WDR72: variants seen among roughly 807,000 people sequenced by gnomAD.
The protein encoded by WDR72 is WD repeat domain 72.
A neutral mutation model predicts 124.2 loss-of-function variants in WDR72; 120 were observed. The observed-to-expected ratio is 0.97, with a 90% CI of 0.83 to 1.12. WDR72 has a LOEUF of 1.12. Ranked by LOEUF, WDR72 falls within the 50% of genes most tolerant of loss-of-function variation. WDR72 has a pLI of 0.00. For missense variants in WDR72, 1,387 were observed against 1,278.8 expected (o/e 1.08, Z -1.29); for synonymous variants, 452 against 441.7 (o/e 1.02, Z -0.29).
intron 13 of WDR72, among the ~76,000 whole-genome samples, chr15:53,667,082 T>A (rs2015804472): frequency 6.6e-6 from 1 of 152,328 alleles, no homozygotes; most frequent in East Asian, 1.9e-4. Context: ...CTGGGTGTGA[T>A]GGCTCATGCC....
rs990177110 is a variant in WDR72, at chr15:53,687,125, G to T, written c.1765+12625C>A. On this transcript the variant is annotated intron_variant, in intron 13 of 19. Transcript: ENST00000360509. ...GAGAAAGCAGGAAAGATCCAAAATT[G>T]ACACCCTAACATCACAATTAAAAGA... Among the ~76,000 whole-genome samples the T allele has an allele frequency of 2.1e-4, 32 of 149,074 alleles. 2 individuals carry two copies. Among genetic ancestry groups the T allele is most frequent in the Admixed American group, 1.7e-3 (25 of 15,016 alleles).
intron 18 of WDR72, among the ~76,000 whole-genome samples, chr15:53,558,493 C>T (rs2140290217): frequency 6.6e-6 from 1 of 152,154 alleles, no homozygotes; most frequent in Non-Finnish European, 1.5e-5. Flanking sequence ...TCCATAGATA[C>T]TATCCCCCAT....
At chr15:53,757,460 T>C (rs2018939753) in intron 1 of WDR72, among the ~76,000 whole-genome samples, 1 of 151,730 alleles carries the variant, frequency 6.6e-6, no homozygotes, top group Admixed American at 6.6e-5. Context: ...CCACCTCTAC[T>C]AAAAATACAA....
At chr15:53,535,802 A>C (rs559732009) in intron 18 of WDR72, among the ~76,000 whole-genome samples, 9 of 152,272 alleles carry the variant, frequency 5.9e-5, no homozygotes, top group African/African-American at 2.2e-4. Context: ...AGAATCTCAG[A>C]GCTTCCAACC....
At chr15:53,567,399 C>T (rs1010055941) in intron 18 of WDR72, among the ~76,000 whole-genome samples, 3 of 151,754 alleles carry the variant, frequency 2.0e-5, no homozygotes, top group Admixed American at 6.6e-5. Flanking sequence ...TCCAACAGGC[C>T]CACCACTCTC....
intron 2 of WDR72, among the ~76,000 whole-genome samples, chr15:53,727,931 C>G (rs2018089314): frequency 6.6e-6 from 1 of 152,190 alleles, no homozygotes; most frequent in South Asian, 2.1e-4. Context: ...AAGACCTTTC[C>G]TGTTGTCCAT....
At chr15:53,531,332 C>A (rs1892454644) in intron 18 of WDR72, among the ~76,000 whole-genome samples, 1 of 152,106 alleles carries the variant, frequency 6.6e-6, no homozygotes, top group African/African-American at 2.4e-5. Flanking sequence ...CACACCCCCA[C>A]ACCCTCCATA....
rs780830755 is a variant in WDR72, at chr15:53,712,486, C to G, written c.711+286G>C. The stretch of plus-strand genomic sequence containing the variant: ...TGGCATGCGCCTATAATCCCAGCTA[C>G]TAGGAGGCTGAGGCAGGAGAACTGC... On this transcript the variant is annotated intron_variant, in intron 7 of 19. Coordinates refer to ENST00000360509, the MANE Select transcript of WDR72 (RefSeq NM_182758.4). 4.0e-5 allele frequency among the ~76,000 whole-genome samples: 6 copies of G among 151,404 alleles called. No individual in the cohort carries two copies. The South Asian group carries it at 8.4e-4, about 21-fold the overall frequency.
chr15:53,614,005 T>A (rs1254211817), intron 15 of WDR72, among the ~76,000 whole-genome samples: 1 of 152,098 alleles, frequency 6.6e-6, no homozygotes, highest in Admixed American at 6.6e-5. Context: ...GACCTGCACA[T>A]CTTAGTTTGC....
chr15:53,749,062 C>T (rs546369856), intron 1 of WDR72, among the ~76,000 whole-genome samples: 6 of 152,272 alleles, frequency 3.9e-5, no homozygotes, highest in East Asian at 3.9e-4. Context: ...AATGTAAATG[C>T]AAGAGTGTCC....
intron 1 of WDR72, among the ~76,000 whole-genome samples, chr15:53,734,949 C>T (rs748829404): frequency 1.3e-5 from 2 of 151,920 alleles, no homozygotes; most frequent in South Asian, 2.1e-4. Context: ...GGAGGCTTGT[C>T]AGAAACACTA....
At chr15:53,610,437 G>A (rs1014903828) in intron 16 of WDR72, among the ~76,000 whole-genome samples, 4 of 151,810 alleles carry the variant, frequency 2.6e-5, no homozygotes, top group Non-Finnish European at 4.4e-5. Flanking sequence ...TTCTGCAAGC[G>A]GAAAAGTTGT....
intron 18 of WDR72, among the ~76,000 whole-genome samples, chr15:53,551,537 G>T (rs1893728655): frequency 6.6e-6 from 1 of 152,048 alleles, no homozygotes; most frequent in Admixed American, 6.6e-5. Context: ...CCCTTCCGTA[G>T]ATTTATTACC....
intron 18 of WDR72, among the ~76,000 whole-genome samples, chr15:53,558,409 C>T (rs567117411): frequency 3.9e-5 from 6 of 152,006 alleles, no homozygotes; most frequent in Non-Finnish European, 7.4e-5. Context: ...CAAACAAAAA[C>T]GAATTCTGAA....
chr15:53,669,096 T>C (rs1323961205), intron 13 of WDR72, among the ~76,000 whole-genome samples: 2 of 151,954 alleles, frequency 1.3e-5, no homozygotes, highest in African/African-American at 4.8e-5. Context: ...TTGGTTCTCG[T>C]GTACTTTTCT....
At chr15:53,707,776 T>C (rs2140537613) in intron 9 of WDR72, among the ~76,000 whole-genome samples, 1 of 152,282 alleles carries the variant, frequency 6.6e-6, no homozygotes, top group Non-Finnish European at 1.5e-5. Flanking sequence ...AGAGGGCACT[T>C]TGGTGTCTTA....
At chr15:53,665,962 A>G (rs1002181679) in intron 13 of WDR72, among the ~76,000 whole-genome samples, 194 bp from the exon 14 acceptor site, 5 of 152,202 alleles carry the variant, frequency 3.3e-5, no homozygotes, top group African/African-American at 1.2e-4. Context: ...GAACTTATGG[A>G]TTTGAAAAGT....
rs556846140 is a variant in WDR72, at chr15:53,548,699, C to T, written c.3149-25377G>A. Among the ~76,000 whole-genome samples the T allele has an allele frequency of 4.7e-5, 7 of 148,730 alleles. No individual in the cohort carries two copies. The South Asian group carries it at 6.4e-4, about 14-fold the overall frequency. Reference sequence around the variant, plus strand: ...GGGGAACTATAGCATGATTATAAAACGTTACATACTATTTAGTAGTTTATA... The same window carrying T: ...GGGGAACTATAGCATGATTATAAAATGTTACATACTATTTAGTAGTTTATA... On this transcript the variant is annotated intron_variant, in intron 18 of 19. Coordinates refer to ENST00000360509, the MANE Select transcript of WDR72 (RefSeq NM_182758.4).
intron 13 of WDR72, among the ~76,000 whole-genome samples, chr15:53,666,474 T>C (rs1389453568): frequency 1.3e-5 from 2 of 152,218 alleles, no homozygotes; most frequent in Admixed American, 6.5e-5. Flanking sequence ...AATTCAATGC[T>C]TTTATAAAAT....
Sources: allele counts gnomAD v4.1 joint callset (sites outside exome capture counted in the v4.1 genomes callset), GRCh38; gene constraint gnomAD v4.1.1; transcripts MANE v1.5; gene names NCBI Gene and HGNC (gene_info 2026-07-23, HGNC 2026-07-21).